GGT5: variants seen among roughly 807,000 people sequenced by gnomAD.
The protein encoded by GGT5 is gamma-glutamyltransferase 5.
In GGT5, 50 loss-of-function variants were observed where a neutral mutation model predicts 58.1. The ratio of observed to expected loss-of-function variants is 0.86; its 90% confidence interval spans 0.69 to 1.09. The LOEUF (loss-of-function observed/expected upper bound fraction) is 1.09, where lower values mean the gene tolerates loss of function less well. Ranked by LOEUF, GGT5 falls within the 50% of genes least tolerant of loss-of-function variation. The pLI, the probability that GGT5 is intolerant of heterozygous loss-of-function variation, is 0.00. For missense variants in GGT5, 800 were observed against 789.4 expected (o/e 1.01, Z -0.16); for synonymous variants, 370 against 346.1 (o/e 1.07, Z -0.77).
At chr22:24,236,417 T>G (rs1301524778) in intron 1 of GGT5, among the ~76,000 whole-genome samples, 1 of 152,130 alleles carries the variant, frequency 6.6e-6, no homozygotes, top group East Asian at 1.9e-4. Context: ...GTTATTGCAA[T>G]GGCCTCCTAC....
intron 11 of GGT5, among the ~76,000 whole-genome samples, chr22:24,222,844 A>G (rs1001126440): frequency 1.6e-4 from 25 of 152,236 alleles, no homozygotes; most frequent in Admixed American, 4.6e-4. Context: ...TTGGGAGGCC[A>G]AGGCGGGCGG....
Position 24,232,140 on chromosome 22 carries a change from G to C in GGT5, c.665C>G (p.Thr222Ser). The C allele has an allele frequency of 6.2e-7, 1 of 1,604,300 alleles. No homozygotes were observed. The highest frequency in any genetic ancestry group is 1.1e-5 in the South Asian group (1 of 89,828). Residue 222 changes from threonine (T) to serine (S), a missense_variant, in exon 5 of 12, where the codon ACC (threonine) becomes AGC (serine). Physicochemically the swap from Thr to Ser is moderately conservative, Grantham distance 58. Transcript: ENST00000327365. ...QDPLPWPALA[T>S]TLETVATEGV... The stretch of plus-strand genomic sequence containing the variant: ...CTCTGTGGCCACGGTCTCCAGGGTG[G>C]TGGCCAGTGCAGGCCATGGGAGTGG...
At chr22:24,229,958 A>T (rs1288838089) in intron 6 of GGT5, among the ~76,000 whole-genome samples, 3 of 151,346 alleles carry the variant, frequency 2.0e-5, no homozygotes, top group Non-Finnish European at 2.9e-5. Context: ...ATAGCCAGGC[A>T]GAGGTGGCTC....
chr22:24,236,573 C>T (rs1261208372), intron 1 of GGT5, among the ~76,000 whole-genome samples: 2 of 152,030 alleles, frequency 1.3e-5, no homozygotes, highest in Admixed American at 6.5e-5. Context: ...ACCATCCTGG[C>T]TAACACGGTG....
chr22:24,220,464 C>G (rs2047557142), intron 11 of GGT5: 1 of 482,872 alleles, frequency 2.1e-6, no homozygotes, highest in South Asian at 1.5e-5. Flanking sequence ...AAGATTTAGA[C>G]ACTGAGGCCA....
At position 24,226,781 on chromosome 22, in the gene GGT5, G is replaced by A. The variant is rs1050111159; in HGVS notation, c.902-14C>T. ...AGAAGTTGAACCCTGGAGAGAGGTT[G>A]GGGCACAGGTTGGTTGGGGTCACCC... On this transcript the variant is annotated splice_polypyrimidine_tract_variant and intron_variant, in intron 6 of 11. Coordinates refer to ENST00000327365, the MANE Select transcript of GGT5 (RefSeq NM_004121.5). 11 of 1,613,540 alleles carry A rather than the reference G, an allele frequency of 6.8e-6. No individual in the cohort carries two copies. The African/African-American group carries it at 1.2e-4, about 18-fold the overall frequency.
At chr22:24,229,469 A>G (rs1445910467) in intron 6 of GGT5, among the ~76,000 whole-genome samples, 1 of 151,976 alleles carries the variant, frequency 6.6e-6, no homozygotes, top group Non-Finnish European at 1.5e-5. Flanking sequence ...GAGGGGAATG[A>G]GGGATAAAAG....
chr22:24,220,511 G>C (rs1411942946), intron 11 of GGT5: 1 of 460,376 alleles, frequency 2.2e-6, no homozygotes, highest in Admixed American at 2.3e-5. Context: ...CAGCAATTTG[G>C]GAGGCTGAGG....
chr22:24,239,286 C>T (rs1026337984), intron 1 of GGT5, among the ~76,000 whole-genome samples: 45 of 151,596 alleles, frequency 3.0e-4, no homozygotes, highest in African/African-American at 1.0e-3. Flanking sequence ...TTGCAGTGAG[C>T]CGAGATTGTG....
In GGT5 at chr22:24,238,793, ATTTATATATATATAATATAT is replaced by A. The variant is rs2048188615; in HGVS notation, c.174-4809_174-4790del. On this transcript the variant is annotated intron_variant, in intron 1 of 11. Transcript: ENST00000327365. ...TATATATATATAATATATATTATATATTTATATATATATAATATATTATATATATATATATATATTTATAT... is the reference window on the plus strand; with the variant it reads ...TATATATATATAATATATATTATATATATATATATATATATATATTTATAT... Among the ~76,000 whole-genome samples the A allele has an allele frequency of 2.9e-4, 4 of 13,974 alleles. 1 individual carries two copies. The highest frequency in any genetic ancestry group is 2.6e-4 in the Non-Finnish European group (2 of 7,614). 9.2% of individuals were successfully genotyped at this position (13,974 alleles called of 152,430 possible). A position where few individuals can be genotyped will look rare whatever the true frequency, so the allele number is the denominator to read the frequency against.
In GGT5 at chr22:24,228,075, A is replaced by C. The variant is rs866703332; in HGVS notation, c.902-1308T>G. ...AAAAAAAAAAAAAAAAACAAAACAAAAAAAAAAAAACTCTGAAAAATAGAG... is the reference window on the plus strand; with the variant it reads ...AAAAAAAAAAAAAAAAACAAAACAACAAAAAAAAAACTCTGAAAAATAGAG... On this transcript the variant is annotated intron_variant, in intron 6 of 11. Coordinates refer to ENST00000327365, the MANE Select transcript of GGT5 (RefSeq NM_004121.5). Among the ~76,000 whole-genome samples, 57 of 147,838 alleles carry C rather than the reference A, an allele frequency of 3.9e-4. 1 individual carries two copies. The highest frequency in any genetic ancestry group is 3.5e-3 in the Middle Eastern group (1 of 288).
chr22:24,238,813 T>A (rs1166068098), intron 1 of GGT5, among the ~76,000 whole-genome samples: 2 of 1,256 alleles, frequency 1.6e-3, no homozygotes, highest in South Asian at 0.028. Context: ...ATATAATATA[T>A]TATATATATA....
chr22:24,221,971 G>C (rs945823485), intron 11 of GGT5, among the ~76,000 whole-genome samples: 1 of 151,570 alleles, frequency 6.6e-6, no homozygotes, highest in Non-Finnish European at 1.5e-5. Context: ...CTGAGGTCAG[G>C]AGTTTGAGAC....
chr22:24,232,093 C>T lies in GGT5; in HGVS notation c.712G>A (p.Gly238Arg), dbSNP rs1218880099. 1 of 1,613,200 alleles carries T rather than the reference C, an allele frequency of 6.2e-7. No homozygotes were observed. Among genetic ancestry groups the T allele is most frequent in the Non-Finnish European group, 8.5e-7 (1 of 1,179,536 alleles). ...ATEGVEVFYT[G>R]RLGQMLVEDI... is the part of the protein sequence containing the mutation. ...TCCACCAGCATCTGGCCCAGCCTCC[C>T]CGTGTAGAAGACCTCCACGCCCTCT... is the stretch of plus-strand genomic sequence containing the variant. The change falls in exon 5 of 12, where the codon GGG (glycine) becomes AGG (arginine). Residue 238 changes from glycine (G) to arginine (R), a missense_variant. Coordinates refer to ENST00000327365, the MANE Select transcript of GGT5 (RefSeq NM_004121.5).
At chr22:24,240,346 C>T (rs927771376) in intron 1 of GGT5, among the ~76,000 whole-genome samples, 12 of 152,154 alleles carry the variant, frequency 7.9e-5, no homozygotes, top group South Asian at 2.1e-4. Context: ...CCAAATAAAT[C>T]ATCACCTACT....
intron 1 of GGT5, among the ~76,000 whole-genome samples, chr22:24,239,092 C>G (rs190323130): frequency 2.1e-3 from 315 of 146,934 alleles, no homozygotes; most frequent in Non-Finnish European, 2.8e-3. Flanking sequence ...GTAATCCCAG[C>G]ACTTTGGGAG....
intron 6 of GGT5, 41 bp from the exon 7 acceptor site, chr22:24,226,808 A>G (rs1377168273): frequency 3.8e-6 from 6 of 1,589,548 alleles, no homozygotes; most frequent in Non-Finnish European, 5.2e-6. Flanking sequence ...GGGTCACCCT[A>G]TGTAATGGGT....
chr22:24,231,473 A>G lies in GGT5; in HGVS notation c.812T>C (p.Leu271Pro), dbSNP rs972614295. ...GGTATAGTCCCCCAGGGGCACCTCC[A>G]GGGCATCCACCACCTCGGGCTGGAA... The part of the protein sequence containing the change: ...AKFQPEVVDA[L>P]EVPLGDYTLY... Residue 271 changes from leucine to proline, a missense_variant, in exon 6 of 12, where the codon CTG becomes CCG. Coordinates refer to ENST00000327365, the MANE Select transcript of GGT5 (RefSeq NM_004121.5). 1.9e-6 allele frequency: 3 copies of G among 1,579,302 alleles called. No individual in the cohort carries two copies. The highest frequency in any genetic ancestry group is 1.3e-5 in the African/African-American group (1 of 74,076).
intron 1 of GGT5, among the ~76,000 whole-genome samples, chr22:24,239,908 C>A (rs954588156): frequency 2.6e-5 from 4 of 151,606 alleles, no homozygotes; most frequent in African/African-American, 9.7e-5. Context: ...ATGGTGAAAC[C>A]CTGTCTCTAC....
Sources: gnomAD v4.1 joint callset for allele counts (sites outside exome capture counted in the v4.1 genomes callset) on GRCh38, gnomAD v4.1.1 for gene constraint, MANE v1.5 for transcripts, NCBI Gene and HGNC (gene_info 2026-07-23, HGNC 2026-07-21) for gene names.